Variants in PTH2R observed in about 807,000 individuals in gnomAD.
PTH2R encodes PTH2 receptor.
A neutral mutation model predicts 60.3 loss-of-function variants in PTH2R; 59 were observed. The observed-to-expected ratio is 0.98, with a 90% confidence interval of 0.79 to 1.22. The LOEUF (loss-of-function observed/expected upper bound fraction) is 1.22, where lower values mean the gene tolerates loss of function less well. Among genes scored for constraint, PTH2R ranks in the 50% most tolerant of loss-of-function variants. PTH2R has a pLI of 0.00. For missense variants in PTH2R, 749 were observed against 682.6 expected (o/e 1.10, Z -1.08); for synonymous variants, 256 against 243.8 (o/e 1.05, Z -0.47).
chr2:208,385,941 T>A (rs1217274585), intron 1 of PTH2R, among the ~76,000 whole-genome samples: 1 of 152,208 alleles, frequency 6.6e-6, no homozygotes, highest in Non-Finnish European at 1.5e-5. Context: ...TTCACCCCTA[T>A]CCTGACTCAG....
chr2:208,383,801 G>A (rs140467116), intron 1 of PTH2R, among the ~76,000 whole-genome samples: 3 of 152,250 alleles, frequency 2.0e-5, no homozygotes, highest in Non-Finnish European at 4.4e-5. Flanking sequence ...GCTGAGACTC[G>A]GGTATCATCG....
intron 1 of PTH2R, among the ~76,000 whole-genome samples, chr2:208,377,764 C>T (rs1156594537): frequency 1.3e-5 from 2 of 151,832 alleles, no homozygotes; most frequent in Non-Finnish European, 2.9e-5. Flanking sequence ...GCGCTCCTCA[C>T]ATCCCAGACG....
intron 1 of PTH2R, among the ~76,000 whole-genome samples, chr2:208,374,666 CTAAGTTTTG>C (rs1460717116): frequency 6.6e-6 from 1 of 151,980 alleles, no homozygotes; most frequent in Non-Finnish European, 1.5e-5. Flanking sequence ...CCACGCCTGG[CTAAGTTTTG>C]TATTTTTTTT....
chr2:208,364,077 A>T (rs1700532825), intron 1 of PTH2R, among the ~76,000 whole-genome samples: 1 of 152,038 alleles, frequency 6.6e-6, no homozygotes, highest in African/African-American at 2.4e-5. Context: ...GAGTAATTTG[A>T]TTATTTTGTT....
Position 208,453,112 on chromosome 2 carries a change from C to T in PTH2R, c.914+2303C>T, listed in dbSNP as rs115753057. 7.3e-3 allele frequency among the ~76,000 whole-genome samples: 1,119 copies of T among 152,294 alleles called. 11 individuals carry two copies. The highest frequency in any genetic ancestry group is 0.025 in the African/African-American group (1,056 of 41,566). On this transcript the variant is annotated intron_variant, in intron 8 of 12. Coordinates refer to ENST00000272847, the MANE Select transcript of PTH2R (RefSeq NM_005048.4). ...CTAGACAGTTTTTCTCTTATCTTCA[C>T]TATGTCTAGCCTTTTGTCTTTTTAC...
At position 208,378,878 on chromosome 2, in the gene PTH2R, G is replaced by A. The variant is rs78472201; in HGVS notation, c.-259+18641G>A. On this transcript the variant is annotated intron_variant, in intron 1 of 12. Coordinates refer to the PTH2R transcript ENST00000617735. ...AGTCATTTACCTTCATTGGAGCCTC[G>A]GTTTACTTGTGTTAGATATGGGAAT... is the stretch of plus-strand genomic sequence containing the variant. Among the ~76,000 whole-genome samples the A allele has an allele frequency of 2.3e-3, 346 of 152,190 alleles. 15 individuals carry two copies. In the East Asian group the frequency reaches 0.047, roughly 21 times the overall value.
At chr2:208,458,280 C>T (rs1425995263) in intron 8 of PTH2R, among the ~76,000 whole-genome samples, 1 of 151,994 alleles carries the variant, frequency 6.6e-6, no homozygotes, top group African/African-American at 2.4e-5. Flanking sequence ...GATCTCTGCC[C>T]ATGTAGAACT....
chr2:208,375,528 C>T (rs1273950215), intron 1 of PTH2R, among the ~76,000 whole-genome samples: 2 of 152,080 alleles, frequency 1.3e-5, no homozygotes, highest in African/African-American at 4.8e-5. Context: ...GAACTAGAGG[C>T]AAGGCAAGGA....
At chr2:208,372,282 TA>T (rs904666009) in intron 1 of PTH2R, among the ~76,000 whole-genome samples, 2 of 152,130 alleles carry the variant, frequency 1.3e-5, no homozygotes, top group African/African-American at 4.8e-5. Context: ...TTGATTGATT[TA>T]AGAGATTGTC....
At chr2:208,370,647 A>G (rs543420837) in intron 1 of PTH2R, among the ~76,000 whole-genome samples, 68 of 151,964 alleles carry the variant, frequency 4.5e-4, no homozygotes, top group African/African-American at 1.6e-3. Context: ...CTTACCTCCC[A>G]GCACCTAATA....
chr2:208,458,889 A>T (rs113666607), intron 8 of PTH2R, among the ~76,000 whole-genome samples: 2 of 151,972 alleles, frequency 1.3e-5, no homozygotes, highest in East Asian at 3.9e-4. Context: ...TTTCTTTGCT[A>T]TTGTGAACAG....
At chr2:208,441,044 C>G (rs1044266055) in intron 4 of PTH2R, among the ~76,000 whole-genome samples, 10 of 152,124 alleles carry the variant, frequency 6.6e-5, no homozygotes, top group African/African-American at 2.4e-4. Context: ...GAGACAAATC[C>G]CCTAGAGATG....
At chr2:208,465,600 C>T (rs1488823477) in intron 9 of PTH2R, among the ~76,000 whole-genome samples, 4 of 151,308 alleles carry the variant, frequency 2.6e-5, no homozygotes, top group East Asian at 2.0e-4. Context: ...GATGGGATTT[C>T]GCCACGTTGG....
At chr2:208,474,106 C>A (rs1484130254) in intron 9 of PTH2R, among the ~76,000 whole-genome samples, 1 of 152,148 alleles carries the variant, frequency 6.6e-6, no homozygotes, top group African/African-American at 2.4e-5. Flanking sequence ...AACTCTTAAC[C>A]AGTTGCTGAC....
Position 208,360,766 on chromosome 2 carries a change from G to T in PTH2R, c.-259+529G>T, listed in dbSNP as rs576431679. ...AGTGCTGTCGTGGCTGACCCAGGCC[G>T]TGAGGCACCCGCTGACTGAGAAGCC... On this transcript the variant is annotated intron_variant, in intron 1 of 12. Transcript: ENST00000617735. 5.8e-5 allele frequency: 9 copies of T among 154,046 alleles called. No homozygotes were observed. In the South Asian group the frequency reaches 1.3e-3, roughly 22 times the overall value. The allele number at this position is 154,046 out of a possible 1,614,324, so 9.5% of individuals were successfully genotyped here.
rs1418612034 is a variant in PTH2R at position 208,419,956 on chromosome 2, TA to T, written c.76-8239del. On this transcript the variant is annotated intron_variant, in intron 1 of 12. Transcript: ENST00000272847. ...TACACTGTGGAATACTATGCAGCCATAAAAAATGATGAGTTCCTGTCCTTTG... is the reference window on the plus strand; with the variant it reads ...TACACTGTGGAATACTATGCAGCCATAAAAATGATGAGTTCCTGTCCTTTG... 1.3e-4 allele frequency among the ~76,000 whole-genome samples: 20 copies of T among 152,276 alleles called. No individual in the cohort carries two copies. In the South Asian group the frequency reaches 2.7e-3, roughly 21 times the overall value.
chr2:208,437,987 A>G, intron 4 of PTH2R, 106 bp downstream of exon 4: 2 of 1,371,026 alleles, frequency 1.5e-6, no homozygotes, highest in Non-Finnish European at 2.0e-6. Flanking sequence ...TTATTCCACG[A>G]CACAAGGATC....
intron 1 of PTH2R, among the ~76,000 whole-genome samples, chr2:208,396,441 C>T (rs1701208684): frequency 1.3e-5 from 2 of 152,078 alleles, no homozygotes; most frequent in Admixed American, 6.5e-5. Context: ...CCAGAATCTA[C>T]AAAGAACTTA....
At chr2:208,378,166 C>T (rs1453131083) in intron 1 of PTH2R, among the ~76,000 whole-genome samples, 1 of 151,860 alleles carries the variant, frequency 6.6e-6, no homozygotes, top group African/African-American at 2.4e-5. Context: ...CGGTTAGGAG[C>T]TGGAGACCAG....
Sources: gnomAD v4.1 joint callset for allele counts (sites outside exome capture counted in the v4.1 genomes callset) on GRCh38, gnomAD v4.1.1 for gene constraint, MANE v1.5 for transcripts, NCBI Gene and HGNC (gene_info 2026-07-23, HGNC 2026-07-21) for gene names.